Variants in PDPN observed in about 807,000 individuals in gnomAD.
PDPN encodes podoplanin, also known as PA2.26 antigen.
A neutral mutation model predicts 23.2 loss-of-function variants in PDPN; 12 were observed. That is an observed-to-expected ratio of 0.52 (90% confidence interval 0.33 to 0.84). PDPN has a LOEUF of 0.84. Ranked by LOEUF, PDPN falls within the 40% of genes least tolerant of loss-of-function variation. The pLI is 0.02. For missense variants in PDPN, 199 were observed against 212.2 expected (o/e 0.94, Z 0.39); for synonymous variants, 77 against 76.7 (o/e 1.00, Z -0.02).
intron 1 of PDPN, among the ~76,000 whole-genome samples, chr1:13,599,226 G>T (rs185546412): frequency 1.3e-5 from 2 of 151,646 alleles, no homozygotes; most frequent in East Asian, 3.9e-4. Flanking sequence ...GGCCAGGATG[G>T]TCTCGATCTC....
At chr1:13,600,251 G>A (rs1170794999) in intron 1 of PDPN, among the ~76,000 whole-genome samples, 2 of 152,150 alleles carry the variant, frequency 1.3e-5, no homozygotes, top group Admixed American at 1.3e-4. Flanking sequence ...GCTGCCGGGA[G>A]AGCACATCAC....
intron 1 of PDPN, among the ~76,000 whole-genome samples, chr1:13,586,871 G>GT (rs1640194287): frequency 6.6e-6 from 1 of 151,870 alleles, no homozygotes; most frequent in East Asian, 1.9e-4. Context: ...GGCCAATATG[G>GT]TGAAACCCCG....
intron 1 of PDPN, among the ~76,000 whole-genome samples, chr1:13,596,491 G>A (rs1471024716): frequency 6.6e-6 from 1 of 152,170 alleles, no homozygotes; most frequent in African/African-American, 2.4e-5. Context: ...GGGTGAAGGG[G>A]GAAAAAAGTT....
At chr1:13,589,932 A>T (rs1038497952) in intron 1 of PDPN, among the ~76,000 whole-genome samples, 1 of 152,174 alleles carries the variant, frequency 6.6e-6, no homozygotes. Flanking sequence ...GGTTCCAACC[A>T]TTCTCCTGCC....
intron 1 of PDPN, among the ~76,000 whole-genome samples, chr1:13,588,333 C>T (rs1470959155): frequency 6.6e-6 from 1 of 151,972 alleles, no homozygotes; most frequent in Non-Finnish European, 1.5e-5. Context: ...AGGAAAGGGG[C>T]ATGCTAGAAT....
chr1:13,613,800 G>A (rs1021052587), intron 4 of PDPN, 75 bp downstream of exon 4: 15 of 783,074 alleles, frequency 1.9e-5, no homozygotes, highest in African/African-American at 8.7e-5. Flanking sequence ...TTGTTGAGAC[G>A]AATTGCGTTC....
At chr1:13,614,479 G>T (rs576144905) in intron 5 of PDPN, 68 bp downstream of exon 5, 1 of 839,876 alleles carries the variant, frequency 1.2e-6, no homozygotes, top group African/African-American at 1.7e-5. Context: ...TCAAATCTTT[G>T]AACTAATAGA....
chr1:13,606,161 TG>T (rs1056059892), intron 1 of PDPN, among the ~76,000 whole-genome samples: 1 of 152,086 alleles, frequency 6.6e-6, no homozygotes, highest in Admixed American at 6.6e-5. Context: ...GGCTAATTTT[TG>T]TATTTTTAGT....
chr1:13,607,591 G>A (rs968141876), intron 2 of PDPN, among the ~76,000 whole-genome samples: 12 of 152,158 alleles, frequency 7.9e-5, no homozygotes, highest in Non-Finnish European at 1.6e-4. Flanking sequence ...CAGTTTCCAA[G>A]AATCTATCAA....
At chr1:13,602,187 G>A (rs1490365987) in intron 1 of PDPN, among the ~76,000 whole-genome samples, 1 of 152,204 alleles carries the variant, frequency 6.6e-6, no homozygotes, top group Non-Finnish European at 1.5e-5. Flanking sequence ...AATTAGCCGG[G>A]TGTGGTGGTG....
rs1423583186 is a variant in PDPN at position 13,607,101 on chromosome 1, G to GA, written c.68-70dup. ...AAAGAAATGGAAAAGAAAATAATCC[G>GA]AATGTAGCCGACAAGTTGGGTCTGC... On this transcript the variant is annotated intron_variant, in intron 1 of 5. Transcript: ENST00000621990. 28 of 1,478,542 alleles carry GA rather than the reference G, an allele frequency of 1.9e-5. 1 individual carries two copies. In the East Asian group the frequency reaches 6.7e-4, roughly 35 times the overall value. The allele number at this position is 1,478,542 out of a possible 1,614,324, so 91.6% of individuals were successfully genotyped here. A position where few individuals can be genotyped will look rare whatever the true frequency, so the allele number is the denominator to read the frequency against.
intron 3 of PDPN, among the ~76,000 whole-genome samples, chr1:13,611,425 A>G (rs1162633890): frequency 6.6e-6 from 1 of 152,164 alleles, no homozygotes; most frequent in Non-Finnish European, 1.5e-5. Flanking sequence ...GACACATAAT[A>G]CAACATGGAG....
rs540907602 is a variant in PDPN, at chr1:13,616,316, G to A, written c.*405G>A. 3.0e-5 allele frequency: 7 copies of A among 232,608 alleles called. No individual in the cohort carries two copies. Among genetic ancestry groups the A allele is most frequent in the East Asian group, 1.1e-4 (1 of 9,188 alleles). The allele number at this position is 232,608 out of a possible 1,614,324, so 14.4% of individuals were successfully genotyped here. A position where few individuals can be genotyped will look rare whatever the true frequency, so the allele number is the denominator to read the frequency against. On this transcript the variant is annotated 3_prime_UTR_variant, in exon 6 of 6. Transcript: ENST00000621990. ...GGAATCTGGAAATATTTATATCCAC[G>A]GAGTCCTTGGATCCAGTGCTACGTC... is the stretch of plus-strand genomic sequence containing the variant.
chr1:13,598,268 C>T (rs971835750), intron 1 of PDPN, among the ~76,000 whole-genome samples: 9 of 152,040 alleles, frequency 5.9e-5, no homozygotes, highest in Admixed American at 1.3e-4. Flanking sequence ...CTGCCCTCCT[C>T]GGCCTCCCTA....
intron 1 of PDPN, among the ~76,000 whole-genome samples, chr1:13,593,281 G>T (rs116941619): frequency 6.6e-6 from 1 of 152,120 alleles, no homozygotes. Flanking sequence ...GTATTTATAC[G>T]CCCGGCTTTA....
chr1:13,602,587 C>A (rs370938409), intron 1 of PDPN, among the ~76,000 whole-genome samples: 3 of 152,040 alleles, frequency 2.0e-5, no homozygotes, highest in East Asian at 3.9e-4. Flanking sequence ...CTCAAAAGTA[C>A]TTCTTTTTTT....
intron 2 of PDPN, among the ~76,000 whole-genome samples, chr1:13,609,129 A>T (rs1168034914): frequency 6.6e-6 from 1 of 152,206 alleles, no homozygotes; most frequent in Non-Finnish European, 1.5e-5. Context: ...AGAGTTGATT[A>T]GTTAGAATAG....
chr1:13,614,475 C>A, intron 5 of PDPN, 64 bp downstream of exon 5: 1 of 860,484 alleles, frequency 1.2e-6, no homozygotes, highest in Non-Finnish European at 2.0e-6. Flanking sequence ...GAACTCAAAT[C>A]TTTGAACTAA....
intron 1 of PDPN, among the ~76,000 whole-genome samples, chr1:13,601,048 T>C (rs1640629750): frequency 6.6e-6 from 1 of 152,206 alleles, no homozygotes; most frequent in African/African-American, 2.4e-5. Context: ...TCTTCCACGT[T>C]AAGTGGAATT....
Sources: allele counts gnomAD v4.1 joint callset (sites outside exome capture counted in the v4.1 genomes callset), GRCh38; gene constraint gnomAD v4.1.1; transcripts MANE v1.5; gene names NCBI Gene and HGNC (gene_info 2026-07-23, HGNC 2026-07-21).